KIF26B: variants seen among roughly 807,000 people sequenced by gnomAD.
KIF26B encodes the protein kinesin family member 26B, also known as kinesin-like protein KIF26B.
KIF26B carries 63 observed loss-of-function variants against 151.2 expected under a neutral mutation model. The observed-to-expected ratio is 0.42, with a 90% CI of 0.34 to 0.51. KIF26B has a LOEUF of 0.51. KIF26B is among the 20% of genes least tolerant of loss of function. The pLI is 0.07. For missense variants in KIF26B, 2,813 were observed against 2,913.6 expected, an observed-to-expected ratio of 0.97 and a Z score of 0.79; for synonymous variants, 1,357 against 1,262.1, an observed-to-expected ratio of 1.08 and a Z score of -1.59.
At chr1:245,254,137 A>G (rs1337658030) in intron 2 of KIF26B, among the ~76,000 whole-genome samples, 1 of 151,442 alleles carries the variant, frequency 6.6e-6, no homozygotes, top group Non-Finnish European at 1.5e-5. Flanking sequence ...CTTTAACATT[A>G]TGGGCATTTT....
chr1:245,366,237 A>G (rs962957499), intron 2 of KIF26B, among the ~76,000 whole-genome samples: 2 of 152,198 alleles, frequency 1.3e-5, no homozygotes, highest in African/African-American at 4.8e-5. Flanking sequence ...TGGATGTAAG[A>G]ATAAGAATGT....
At chr1:245,287,572 C>T (rs1023048848) in intron 2 of KIF26B, among the ~76,000 whole-genome samples, 2 of 148,638 alleles carry the variant, frequency 1.3e-5, no homozygotes, top group Non-Finnish European at 3.0e-5. Context: ...GGCACGATCT[C>T]GGCTCACCGC....
At chr1:245,413,328 C>T (rs1045737957) in intron 3 of KIF26B, among the ~76,000 whole-genome samples, 1 of 152,136 alleles carries the variant, frequency 6.6e-6, no homozygotes, top group African/African-American at 2.4e-5. Context: ...AAATAAATTC[C>T]TAAGAGTCTA....
At chr1:245,445,428 A>G (rs1659226246) in intron 4 of KIF26B, among the ~76,000 whole-genome samples, 1 of 152,224 alleles carries the variant, frequency 6.6e-6, no homozygotes, top group Non-Finnish European at 1.5e-5. Flanking sequence ...AAATGCTATG[A>G]TTATGGGACT....
intron 5 of KIF26B, among the ~76,000 whole-genome samples, chr1:245,594,209 T>C (rs2043318379): frequency 6.6e-6 from 1 of 152,236 alleles, no homozygotes. Context: ...TTGTTGCCAT[T>C]GCTTTTGGTG....
chr1:245,445,697 G>T (rs577150581), intron 4 of KIF26B, among the ~76,000 whole-genome samples: 1 of 152,144 alleles, frequency 6.6e-6, no homozygotes, highest in African/African-American at 2.4e-5. Flanking sequence ...GCCCAGCTAC[G>T]CTGGTCACCG....
At chr1:245,580,464 T>C (rs2043164418) in intron 5 of KIF26B, among the ~76,000 whole-genome samples, 1 of 152,208 alleles carries the variant, frequency 6.6e-6, no homozygotes, top group South Asian at 2.1e-4. Flanking sequence ...GCTAATTAGA[T>C]AGACCAGGGC....
chr1:245,371,078 T>C (rs113456726), intron 3 of KIF26B, among the ~76,000 whole-genome samples: 1 of 152,158 alleles, frequency 6.6e-6, no homozygotes, highest in Admixed American at 6.5e-5. Flanking sequence ...GCCACCAACT[T>C]GTGGTCATCC....
At chr1:245,178,778 G>A (rs1219449231) in intron 2 of KIF26B, among the ~76,000 whole-genome samples, 1 of 152,192 alleles carries the variant, frequency 6.6e-6, no homozygotes, top group Non-Finnish European at 1.5e-5. Flanking sequence ...AGGTTTTGGG[G>A]ATAAAGGCTG....
rs1166083866 is a variant in KIF26B, at chr1:245,540,964, C to T, written c.1350+14C>T. The T allele has an allele frequency of 1.9e-6, 3 of 1,595,372 alleles. No homozygotes were observed. The highest frequency in any genetic ancestry group is 2.2e-5 in the East Asian group (1 of 44,502). On this transcript the variant is annotated intron_variant, in intron 5 of 14. Transcript: ENST00000407071. This position sits in a 1 kb window ranked among gnomAD's most constrained non-coding sequence, Gnocchi z 4.6. ...GGGCTGGGCAAGGTAGGACCATCCG[C>T]CGTCCCTGCCATTTGCCCAGTGTGC...
At chr1:245,547,450 G>A (rs909367824) in intron 5 of KIF26B, among the ~76,000 whole-genome samples, 1 of 152,032 alleles carries the variant, frequency 6.6e-6, no homozygotes, top group Admixed American at 6.6e-5. Context: ...GCCAGGCATG[G>A]TGGCAGGCAC....
At chr1:245,395,088 G>A (rs921818625) in intron 3 of KIF26B, among the ~76,000 whole-genome samples, 3 of 148,372 alleles carry the variant, frequency 2.0e-5, no homozygotes, top group African/African-American at 5.0e-5. Context: ...TTCTTCATTC[G>A]CCTATGTCTG....
intron 2 of KIF26B, among the ~76,000 whole-genome samples, chr1:245,346,934 C>T (rs979016225): frequency 6.6e-6 from 1 of 152,182 alleles, no homozygotes; most frequent in Non-Finnish European, 1.5e-5. Context: ...CCTTGATTAT[C>T]TAATCATTAC....
At chr1:245,292,804 G>A (rs1053203757) in intron 2 of KIF26B, among the ~76,000 whole-genome samples, 3 of 152,080 alleles carry the variant, frequency 2.0e-5, no homozygotes, top group Non-Finnish European at 4.4e-5. Context: ...ACCTTCCCTC[G>A]GTTCTCGCTG....
rs779154608 is a variant in KIF26B at position 245,686,950 on chromosome 1, C to A, written c.3967C>A (p.Gln1323Lys). 6.2e-7 allele frequency: 1 copy of A among 1,613,464 alleles called. No homozygotes were observed. The highest frequency in any genetic ancestry group is 1.1e-5 in the South Asian group (1 of 90,966). ...PVASEFVSSL[Q>K]NTAVVCREKP... ...GGCCTCGGAGTTTGTCAGCAGCCTC[C>A]AGAACACCGCTGTGGTGTGCAGAGA... The change falls in exon 12 of 15, where the codon CAG becomes AAG. Residue 1323 changes from glutamine to lysine, a missense_variant. Physicochemically the swap from Gln to Lys is moderately conservative, Grantham distance 53. Around this residue, in one of 3 missense-constraint regions of KIF26B, gnomAD observed 2,060 missense variants for 2,088.6 expected, o/e 0.99. Coordinates refer to ENST00000407071, the MANE Select transcript of KIF26B (RefSeq NM_018012.4). This position sits in a 1 kb window ranked among gnomAD's most constrained non-coding sequence, Gnocchi z 5.6.
chr1:245,554,465 C>G (rs1661970991), intron 5 of KIF26B, among the ~76,000 whole-genome samples: 1 of 152,202 alleles, frequency 6.6e-6, no homozygotes, highest in Admixed American at 6.5e-5. Context: ...CTTCTATGTG[C>G]TAGTTACTTT....
intron 2 of KIF26B, among the ~76,000 whole-genome samples, chr1:245,250,318 C>T (rs1371914952): frequency 6.6e-6 from 1 of 152,184 alleles, no homozygotes; most frequent in East Asian, 1.9e-4. Context: ...TGGTAAGATG[C>T]TCCACATATC....
At chr1:245,471,567 T>C (rs1659914362) in intron 4 of KIF26B, among the ~76,000 whole-genome samples, 1 of 152,214 alleles carries the variant, frequency 6.6e-6, no homozygotes, top group Admixed American at 6.5e-5. Flanking sequence ...AAAAGTTTTA[T>C]TTTACTGCAC....
intron 2 of KIF26B, among the ~76,000 whole-genome samples, chr1:245,280,383 T>C (rs1671019130): frequency 7.2e-6 from 1 of 138,196 alleles, no homozygotes; most frequent in Non-Finnish European, 1.6e-5. Context: ...AAAAAAAAAT[T>C]AGCAGGGCAT....
Sources: allele counts gnomAD v4.1 joint callset (sites outside exome capture counted in the v4.1 genomes callset), GRCh38; gene constraint gnomAD v4.1.1; regional missense constraint gnomAD v4.1.1; non-coding constraint Gnocchi (gnomAD v3.1); transcripts MANE v1.5; gene names NCBI Gene and HGNC (gene_info 2026-07-23, HGNC 2026-07-21).